FILIP1L: variants seen among roughly 807,000 people sequenced by gnomAD.
FILIP1L encodes filamin A interacting protein 1 like.
Under a neutral mutation model 96.6 loss-of-function variants are expected in FILIP1L, and 55 were observed. The ratio of observed to expected loss-of-function variants is 0.57; its 90% CI spans 0.46 to 0.71. The LOEUF (loss-of-function observed/expected upper bound fraction) is 0.71. Among genes scored for constraint, FILIP1L ranks in the 30% least tolerant of loss-of-function variants. The pLI is 0.00. For missense variants in FILIP1L, 1,304 were observed against 1,321.2 expected, an observed-to-expected ratio of 0.99 and a Z score of 0.20; for synonymous variants, 467 against 473.9, an observed-to-expected ratio of 0.99 and a Z score of 0.19.
intron 4 of FILIP1L, among the ~76,000 whole-genome samples, chr3:99,907,076 T>G (rs1039307793): frequency 3.3e-5 from 5 of 152,200 alleles, no homozygotes; most frequent in African/African-American, 1.2e-4. Context: ...TTTTTGGGAC[T>G]CTTACTGTTA....
chr3:100,080,278 C>T (rs188315708), intron 1 of FILIP1L, among the ~76,000 whole-genome samples: 16 of 152,108 alleles, frequency 1.1e-4, no homozygotes, highest in Admixed American at 8.5e-4. Context: ...CCACTGCACC[C>T]GGCCATCATT....
intron 4 of FILIP1L, among the ~76,000 whole-genome samples, chr3:99,881,056 G>A (rs1225499624): frequency 6.6e-6 from 1 of 152,080 alleles, no homozygotes; most frequent in Non-Finnish European, 1.5e-5. Flanking sequence ...CATTGCCACG[G>A]TCTTGTTCCT....
At chr3:99,966,856 G>A (rs1708668719) in intron 1 of FILIP1L, among the ~76,000 whole-genome samples, 3 of 152,132 alleles carry the variant, frequency 2.0e-5, no homozygotes, top group African/African-American at 2.4e-5. Context: ...AGATTTACTC[G>A]AACTGAACTA....
At chr3:99,903,887 A>C (rs1490402808) in intron 4 of FILIP1L, among the ~76,000 whole-genome samples, 1 of 152,176 alleles carries the variant, frequency 6.6e-6, no homozygotes, top group Non-Finnish European at 1.5e-5. Context: ...TGCTTCATTT[A>C]ATGGTACTCA....
intron 1 of FILIP1L, among the ~76,000 whole-genome samples, chr3:100,113,138 A>G (rs1332094310): frequency 6.6e-6 from 1 of 152,244 alleles, no homozygotes; most frequent in Non-Finnish European, 1.5e-5. Flanking sequence ...GAATAAAGAA[A>G]GATATGTAAT....
chr3:100,048,482 T>C (rs920415302), intron 1 of FILIP1L, among the ~76,000 whole-genome samples: 5 of 152,104 alleles, frequency 3.3e-5, no homozygotes, highest in African/African-American at 9.7e-5. Flanking sequence ...GACACGGAGC[T>C]CACTCCATCT....
chr3:100,012,061 T>C (rs750438357), intron 1 of FILIP1L, among the ~76,000 whole-genome samples: 9 of 152,188 alleles, frequency 5.9e-5, no homozygotes, highest in Non-Finnish European at 1.0e-4. Flanking sequence ...GGGGGTGGTA[T>C]GTGGTAAGCA....
intron 1 of FILIP1L, among the ~76,000 whole-genome samples, chr3:100,061,574 T>C (rs1481740865): frequency 2.0e-5 from 3 of 152,244 alleles, no homozygotes; most frequent in African/African-American, 4.8e-5. Context: ...AAAATTGCTT[T>C]ACCTCATAAT....
chr3:99,867,571 T>C (rs981144072), intron 4 of FILIP1L, among the ~76,000 whole-genome samples: 9 of 152,194 alleles, frequency 5.9e-5, no homozygotes, highest in African/African-American at 2.2e-4. Context: ...CAAAATCTGC[T>C]AGTGACTTAA....
intron 1 of FILIP1L, among the ~76,000 whole-genome samples, chr3:99,945,853 C>G (rs1707992025): frequency 1.3e-5 from 2 of 152,204 alleles, no homozygotes; most frequent in East Asian, 1.9e-4. Context: ...GTTCCCACCT[C>G]TTATGCGAAA....
At chr3:99,970,546 C>G (rs940214581) in intron 1 of FILIP1L, among the ~76,000 whole-genome samples, 10 of 152,236 alleles carry the variant, frequency 6.6e-5, no homozygotes, top group African/African-American at 2.2e-4. Context: ...TACATTTTGC[C>G]TAACTGAAAC....
chr3:100,006,303 TG>T (rs2107180387), intron 1 of FILIP1L, among the ~76,000 whole-genome samples: 1 of 152,288 alleles, frequency 6.6e-6, no homozygotes, highest in East Asian at 1.9e-4. Context: ...TTGTTTCCTT[TG>T]TACAAGTCAT....
At chr3:99,969,713 C>T (rs1028644663) in intron 1 of FILIP1L, among the ~76,000 whole-genome samples, 2 of 152,014 alleles carry the variant, frequency 1.3e-5, no homozygotes, top group African/African-American at 4.8e-5. Flanking sequence ...TAGGAAGCAG[C>T]CCCACTAGAT....
intron 4 of FILIP1L, among the ~76,000 whole-genome samples, chr3:99,872,910 C>T (rs1056255358): frequency 1.5e-4 from 22 of 151,566 alleles, no homozygotes; most frequent in African/African-American, 4.4e-4. Context: ...CAAGGAGAAT[C>T]TCAAGTCTTT....
chr3:100,068,939 C>G (rs2107366434), intron 1 of FILIP1L, among the ~76,000 whole-genome samples: 1 of 152,320 alleles, frequency 6.6e-6, no homozygotes, highest in African/African-American at 2.4e-5. Flanking sequence ...TCACCCTCGC[C>G]CAGCAGGTGG....
chr3:100,099,838 G>A (rs141050646), intron 1 of FILIP1L, among the ~76,000 whole-genome samples: 62 of 152,310 alleles, frequency 4.1e-4, no homozygotes, highest in African/African-American at 1.5e-3. Context: ...AGTATCATAA[G>A]TATGCAGCGG....
intron 1 of FILIP1L, among the ~76,000 whole-genome samples, chr3:100,092,430 T>C (rs1321779291): frequency 6.6e-6 from 1 of 152,070 alleles, no homozygotes. Flanking sequence ...TTTGGCTTTT[T>C]TTTAACATGG....
chr3:100,050,728 C>T (rs1021431142), intron 1 of FILIP1L, among the ~76,000 whole-genome samples: 10 of 152,132 alleles, frequency 6.6e-5, no homozygotes, highest in Non-Finnish European at 1.5e-5. Context: ...TGGGGTTTCA[C>T]CATGTTGGCC....
At chr3:100,021,960 T>TGAGAGAGAGAGA (rs61630053) in intron 1 of FILIP1L, among the ~76,000 whole-genome samples, 1 of 93,286 alleles carries the variant, frequency 1.1e-5, no homozygotes, top group Admixed American at 1.1e-4. Context: ...TGTGTGTGTG[T>TGAGAGAGAGAGA]GAGAGAGAGA....
Sources: allele counts gnomAD v4.1 joint callset (sites outside exome capture counted in the v4.1 genomes callset), GRCh38; gene constraint gnomAD v4.1.1; transcripts MANE v1.5; gene names NCBI Gene and HGNC (gene_info 2026-07-23, HGNC 2026-07-21).